Variants in VPS45 observed in about 807,000 individuals in gnomAD.
VPS45 encodes vacuolar protein sorting-associated protein 45.
A neutral mutation model predicts 75.9 loss-of-function variants in VPS45; 35 were observed. The ratio of observed to expected loss-of-function variants is 0.46; its 90% CI spans 0.35 to 0.61. The LOEUF (loss-of-function observed/expected upper bound fraction) is 0.61. Among genes scored for constraint, VPS45 ranks in the 20% least tolerant of loss-of-function variants. The pLI is 0.00. For synonymous variants in VPS45, 220 were observed against 238.2 expected (o/e 0.92, Z 0.70); for missense variants, 559 against 685.9 (o/e 0.81, Z 2.07).
chr1:150,075,662 C>T (rs782021988), intron 3 of VPS45, among the ~76,000 whole-genome samples: 8 of 152,114 alleles, frequency 5.3e-5, no homozygotes, highest in Non-Finnish European at 1.0e-4. Flanking sequence ...TATTTGGTTA[C>T]CTGGTAGTAC....
At chr1:150,086,868 C>T (rs189891131) in intron 10 of VPS45, among the ~76,000 whole-genome samples, 1 of 151,918 alleles carries the variant, frequency 6.6e-6, no homozygotes. Flanking sequence ...CCAATTCCAT[C>T]TTACTGTCCT....
At chr1:150,128,897 G>A (rs1366138669) in intron 14 of VPS45, among the ~76,000 whole-genome samples, 3 of 152,120 alleles carry the variant, frequency 2.0e-5, no homozygotes, top group Middle Eastern at 3.2e-3. Context: ...GTGCCACCAC[G>A]CCTGGCTAAT....
At chr1:150,123,352 G>A (rs1426706640) in intron 14 of VPS45, among the ~76,000 whole-genome samples, 10 of 152,226 alleles carry the variant, frequency 6.6e-5, no homozygotes, top group Non-Finnish European at 8.8e-5. Context: ...TTTTGTGTGC[G>A]TTAATAGGGT....
At position 150,092,339 on chromosome 1, in the gene VPS45, T is replaced by G. The variant is rs1656372622; in HGVS notation, c.1301T>G (p.Val434Gly). Residue 434 changes from valine (V) to glycine (G), a missense_variant, in exon 12 of 15, where the codon GTC becomes GGC. Val to Gly is a moderately radical substitution (Grantham distance 109). Coordinates refer to ENST00000644510, the MANE Select transcript of VPS45 (RefSeq NM_007259.5). Reference sequence around the variant, plus strand: ...GTTGTTGAATATGGTGGTAAACGAGTCAGAGGAAGTGACCTCTTCAGCCCC... The same window carrying G: ...GTTGTTGAATATGGTGGTAAACGAGGCAGAGGAAGTGACCTCTTCAGCCCC... ...SAVVEYGGKR[V>G]RGSDLFSPKD... The G allele has an allele frequency of 6.2e-7, 1 of 1,614,112 alleles. No individual in the cohort carries two copies. The highest frequency in any genetic ancestry group is 8.5e-7 in the Non-Finnish European group (1 of 1,180,006).
At chr1:150,088,447 A>G (rs1384664119) in intron 10 of VPS45, among the ~76,000 whole-genome samples, 1 of 132,852 alleles carries the variant, frequency 7.5e-6, no homozygotes, top group Non-Finnish European at 1.6e-5. Context: ...ATATATATAT[A>G]TATATATATG....
At chr1:150,091,446 C>T (rs186569095) in intron 10 of VPS45, among the ~76,000 whole-genome samples, 2 of 152,316 alleles carry the variant, frequency 1.3e-5, no homozygotes, top group Non-Finnish European at 2.9e-5. Flanking sequence ...CATGCTATTA[C>T]ATACTCATCT....
chr1:150,081,503 G>T (rs906856876), intron 8 of VPS45, 27 bp downstream of exon 8: 2 of 1,585,788 alleles, frequency 1.3e-6, no homozygotes, highest in African/African-American at 1.4e-5. Context: ...TTTTTAAATT[G>T]TCTTTAGTTG....
chr1:150,140,384 C>G (rs12079831), intron 14 of VPS45, among the ~76,000 whole-genome samples: 18 of 106,262 alleles, frequency 1.7e-4, no homozygotes, highest in African/African-American at 7.0e-4. Context: ...TCCATCACTT[C>G]TGGTGTGTGT....
chr1:150,122,759 G>A (rs1270770152), intron 14 of VPS45, among the ~76,000 whole-genome samples: 1 of 152,054 alleles, frequency 6.6e-6, no homozygotes, highest in African/African-American at 2.4e-5. Flanking sequence ...AGCACTTTGG[G>A]AGGCTGAGGC....
At chr1:150,129,662 C>T (rs1553811757) in intron 14 of VPS45, among the ~76,000 whole-genome samples, 1 of 151,634 alleles carries the variant, frequency 6.6e-6, no homozygotes, top group African/African-American at 2.4e-5. Flanking sequence ...CAGGTTCAAG[C>T]GATTCTCCTG....
intron 14 of VPS45, among the ~76,000 whole-genome samples, chr1:150,133,490 G>A (rs587749980): frequency 3.2e-4 from 48 of 152,288 alleles, no homozygotes; most frequent in African/African-American, 1.1e-3. Context: ...GGAGGTGGAG[G>A]TTGCAGTGAG....
At chr1:150,118,568 G>C (rs10158314) in intron 14 of VPS45, among the ~76,000 whole-genome samples, 6,601 of 151,958 alleles carry the variant, frequency 0.043, 471 homozygotes, top group African/African-American at 0.15. Context: ...ACCACACCTG[G>C]CTAATTTTTG....
At chr1:150,071,078 T>G (rs1156636928) in intron 2 of VPS45, among the ~76,000 whole-genome samples, 1 of 152,130 alleles carries the variant, frequency 6.6e-6, no homozygotes, top group Non-Finnish European at 1.5e-5. Flanking sequence ...TTACAATTTT[T>G]AAAACCCTTT....
intron 13 of VPS45, 51 bp from the exon 14 acceptor site, chr1:150,110,445 G>A: frequency 6.5e-7 from 1 of 1,533,362 alleles, no homozygotes; most frequent in Non-Finnish European, 8.8e-7. Context: ...GTAAGTCACA[G>A]TCCTTTTTTT....
intron 11 of VPS45, 95 bp downstream of exon 11, chr1:150,092,190 C>T (rs1205399791): frequency 1.3e-6 from 2 of 1,521,078 alleles, no homozygotes; most frequent in Non-Finnish European, 1.8e-6. Flanking sequence ...TTTTTATTTA[C>T]AGAAATGTAT....
At position 150,140,386 on chromosome 1, in the gene VPS45, GGTGTGTGT is replaced by G. The variant is rs574312693; in HGVS notation, c.1626-4288_1626-4281del. On this transcript the variant is annotated intron_variant, in intron 14 of 14. Coordinates refer to ENST00000644510, the MANE Select transcript of VPS45 (RefSeq NM_007259.5). ...ATTATATCCCAATTCCATCACTTCT[GGTGTGTGT>G]GTGTGTGTGTGTGTGTGTGTGTGTG... 7.8e-3 allele frequency among the ~76,000 whole-genome samples: 1,094 copies of G among 140,428 alleles called. 13 individuals are homozygous for G. Among genetic ancestry groups the G allele is most frequent in the African/African-American group, 0.027 (1,003 of 37,308 alleles). The allele number at this position is 140,428 out of a possible 152,430, so 92.1% of individuals were successfully genotyped here. A position where few individuals can be genotyped will look rare whatever the true frequency, so the allele number is the denominator to read the frequency against.
chr1:150,082,116 G>T, intron 9 of VPS45, 119 bp downstream of exon 9: 1 of 657,748 alleles, frequency 1.5e-6, no homozygotes, highest in South Asian at 2.0e-5. Flanking sequence ...TTTGGTTTGA[G>T]ACTTATTTTC....
At chr1:150,102,251 A>AC (rs1410163664) in intron 13 of VPS45, among the ~76,000 whole-genome samples, 112 of 149,296 alleles carry the variant, frequency 7.5e-4, no homozygotes, top group South Asian at 5.3e-3. Flanking sequence ...AAAAAAAAAA[A>AC]AAACAAACAC....
At chr1:150,139,439 G>C (rs55909733) in intron 14 of VPS45, among the ~76,000 whole-genome samples, 21,866 of 152,180 alleles carry the variant, frequency 0.14, 1,728 homozygotes, top group Non-Finnish European at 0.17. Flanking sequence ...TCAAATGTCA[G>C]TTTCTCAGGG....
Sources: gnomAD v4.1 joint callset for allele counts (sites outside exome capture counted in the v4.1 genomes callset) on GRCh38, gnomAD v4.1.1 for gene constraint, MANE v1.5 for transcripts, NCBI Gene and HGNC (gene_info 2026-07-23, HGNC 2026-07-21) for gene names.